Variants in PLXNA4 observed in about 807,000 individuals in gnomAD.
PLXNA4 encodes the protein plexin A4.
Under a neutral mutation model 191.8 loss-of-function variants are expected in PLXNA4, and 44 were observed. The ratio of observed to expected loss-of-function variants is 0.23; its 90% CI spans 0.18 to 0.29. The LOEUF (loss-of-function observed/expected upper bound fraction) is 0.29. Ranked by LOEUF, PLXNA4 falls within the 10% of genes least tolerant of loss-of-function variation. The probability of loss-of-function intolerance (pLI) is 1.00; values close to 1 mark genes in which losing one functional copy is unlikely to be tolerated. For missense variants in PLXNA4, 1,800 were observed against 2,488.8 expected (o/e 0.72, Z 5.89); for synonymous variants, 1,082 against 1,009.5 (o/e 1.07, Z -1.36).
chr7:132,214,300 G>A (rs1584854839), intron 9 of PLXNA4, among the ~76,000 whole-genome samples: 2 of 152,168 alleles, frequency 1.3e-5, no homozygotes, highest in Admixed American at 6.5e-5. Flanking sequence ...TTCTTAGTGA[G>A]GCTTGTGATG....
At chr7:132,384,567 T>G (rs879498508) in intron 3 of PLXNA4, 33 of 988,172 alleles carry the variant, frequency 3.3e-5, no homozygotes, top group Non-Finnish European at 3.8e-5. Context: ...CTGGACCAGA[T>G]GCCAACAGAG....
chr7:132,412,709 G>C (rs762382856), intron 3 of PLXNA4, among the ~76,000 whole-genome samples: 9 of 152,248 alleles, frequency 5.9e-5, no homozygotes, highest in Middle Eastern at 3.4e-3. Context: ...GGAGTTCTTC[G>C]TTTTCAGGGA....
intron 4 of PLXNA4, among the ~76,000 whole-genome samples, chr7:132,275,163 T>A (rs117092650): frequency 1.3e-5 from 2 of 152,124 alleles, no homozygotes; most frequent in African/African-American, 4.8e-5. Context: ...TAATTAAAGA[T>A]TTTTCCTCTT....
intron 4 of PLXNA4, among the ~76,000 whole-genome samples, chr7:132,282,697 A>G (rs565564798): frequency 5.0e-5 from 7 of 139,324 alleles, no homozygotes; most frequent in Non-Finnish European, 1.1e-4. Flanking sequence ...CCCTTTCTTC[A>G]TCGGAGAGTG....
At chr7:132,315,749 G>GTTAGTGGC (rs1563030215) in intron 3 of PLXNA4, among the ~76,000 whole-genome samples, 1 of 152,206 alleles carries the variant, frequency 6.6e-6, no homozygotes, top group Non-Finnish European at 1.5e-5. Flanking sequence ...AATGTGAGCT[G>GTTAGTGGC]ATTGTTAGGA....
At chr7:132,582,158 C>T (rs565492225), upstream of PLXNA4, among the ~76,000 whole-genome samples, 1 of 152,304 alleles carries the variant, frequency 6.6e-6, no homozygotes. Context: ...TTCACGTCTC[C>T]CACATGGCAC....
chr7:132,516,741 T>C (rs1225144679), intron 1 of PLXNA4, among the ~76,000 whole-genome samples: 6 of 152,108 alleles, frequency 3.9e-5, no homozygotes, highest in Non-Finnish European at 2.9e-5. Context: ...GTGGATCACT[T>C]GAGGTCAGGA....
intron 2 of PLXNA4, among the ~76,000 whole-genome samples, chr7:132,633,708 G>A (rs567217600): frequency 4.6e-5 from 7 of 152,220 alleles, no homozygotes; most frequent in East Asian, 1.9e-4. Flanking sequence ...TATTTTTCAC[G>A]TTTTTCCCCC....
At chr7:132,240,862 T>C in intron 5 of PLXNA4, among the ~76,000 whole-genome samples, 1 of 152,128 alleles carries the variant, frequency 6.6e-6, no homozygotes, top group Non-Finnish European at 1.5e-5. Context: ...ATATATTTCT[T>C]AAGGGAATTT....
In PLXNA4 at chr7:132,146,938, G is replaced by GT. The variant is rs1795453256; in HGVS notation, c.4865-239dup. 2.0e-5 allele frequency among the ~76,000 whole-genome samples: 3 copies of GT among 152,272 alleles called. No homozygotes were observed. In the South Asian group the frequency reaches 6.2e-4, roughly 32 times the overall value. ...CCACTCAGATCTCCCCCTTCTTCCT[G>GT]TACTCTGCATCGTGTCAACCCTTAA... On this transcript the variant is annotated intron_variant, in intron 27 of 31. Transcript: ENST00000321063.
intron 20 of PLXNA4, 80 bp downstream of exon 20, chr7:132,179,607 T>TACACATACACAGATGTGCATGCAC: frequency 1.3e-6 from 2 of 1,544,844 alleles, no homozygotes; most frequent in African/African-American, 1.4e-5. Context: ...AACATATGCA[T>TACACATACACAGATGTGCATGCAC]ACACATACAC....
At chr7:132,467,426 G>T (rs1211489897) in intron 3 of PLXNA4, among the ~76,000 whole-genome samples, 2 of 152,148 alleles carry the variant, frequency 1.3e-5, no homozygotes, top group African/African-American at 4.8e-5. Flanking sequence ...CCTTGGCCTT[G>T]TTACTATACT....
chr7:132,205,745 C>T (rs566602925), intron 10 of PLXNA4, among the ~76,000 whole-genome samples: 1 of 152,260 alleles, frequency 6.6e-6, no homozygotes, highest in African/African-American at 2.4e-5. Flanking sequence ...TGAGCTCTGA[C>T]CTGTAGGAGG....
intron 2 of PLXNA4, among the ~76,000 whole-genome samples, chr7:132,612,524 C>T (rs1295534742): frequency 2.6e-5 from 4 of 151,864 alleles, no homozygotes; most frequent in Non-Finnish European, 5.9e-5. Flanking sequence ...AGCAGCTAGG[C>T]GTGGTGGTGC....
chr7:132,598,106 T>TC (rs1802750779), intron 2 of PLXNA4, among the ~76,000 whole-genome samples: 1 of 151,948 alleles, frequency 6.6e-6, no homozygotes, highest in Admixed American at 6.6e-5. Flanking sequence ...AAATATATAT[T>TC]CTTTTTTTTT....
At chr7:132,392,111 A>T (rs1220201137) in intron 3 of PLXNA4, among the ~76,000 whole-genome samples, 1 of 152,006 alleles carries the variant, frequency 6.6e-6, no homozygotes, top group Non-Finnish European at 1.5e-5. Flanking sequence ...CTGGGCAACA[A>T]GAGTGAAACT....
intron 12 of PLXNA4, among the ~76,000 whole-genome samples, chr7:132,201,684 G>A (rs1797439874): frequency 6.6e-6 from 1 of 152,244 alleles, no homozygotes; most frequent in Admixed American, 6.5e-5. Flanking sequence ...TGCCATGGGG[G>A]AGGAGCATGT....
chr7:132,253,463 T>C (rs1799326856), intron 4 of PLXNA4, among the ~76,000 whole-genome samples: 1 of 152,122 alleles, frequency 6.6e-6, no homozygotes, highest in South Asian at 2.1e-4. Flanking sequence ...CAAGCTGATC[T>C]TGAACTCCTG....
chr7:132,643,332 GC>G (rs1407085691), intron 2 of PLXNA4, among the ~76,000 whole-genome samples: 1 of 152,076 alleles, frequency 6.6e-6, no homozygotes, highest in African/African-American at 2.4e-5. Flanking sequence ...CAAGTTCAGA[GC>G]CCCCACAGTG....
Sources: allele counts gnomAD v4.1 joint callset (sites outside exome capture counted in the v4.1 genomes callset), GRCh38; gene constraint gnomAD v4.1.1; transcripts MANE v1.5; gene names NCBI Gene and HGNC (gene_info 2026-07-23, HGNC 2026-07-21).